Variants in HERC4 observed in about 807,000 individuals in gnomAD.
The protein encoded by HERC4 is HECT and RLD domain containing E3 ubiquitin protein ligase 4.
HERC4 carries 28 observed loss-of-function variants against 124.3 expected under a neutral mutation model. The observed-to-expected ratio is 0.23, with a 90% CI of 0.17 to 0.31. The LOEUF (loss-of-function observed/expected upper bound fraction) is 0.31. HERC4 is among the 10% of genes least tolerant of loss of function. The pLI, the probability that HERC4 is intolerant of heterozygous loss-of-function variation, is 1.00. For synonymous variants in HERC4, 407 were observed against 421.5 expected (o/e 0.97, Z 0.42); for missense variants, 713 against 1,229.3 (o/e 0.58, Z 6.28).
At position 68,059,629 on chromosome 10, in the gene HERC4, TCA is replaced by T. The variant is rs1491281091; in HGVS notation, c.226+13252_226+13253del. Among the ~76,000 whole-genome samples, 10 of 92,886 alleles carry T rather than the reference TCA, an allele frequency of 1.1e-4. 3 individuals are homozygous for T. The highest frequency in any genetic ancestry group is 4.5e-4 in the African/African-American group (9 of 20,044). 60.9% of individuals were successfully genotyped at this position (92,886 alleles called of 152,430 possible). ...ATATTATATATCATAATATTATATATCATAATATTATATATTATATTATATAT... is the reference window on the plus strand; with the variant it reads ...ATATTATATATCATAATATTATATATTAATATTATATATTATATTATATAT... On this transcript the variant is annotated intron_variant, in intron 3 of 24. Transcript: ENST00000373700.
chr10:68,034,388 G>A (rs772305196), intron 5 of HERC4, among the ~76,000 whole-genome samples: 15 of 152,052 alleles, frequency 9.9e-5, no homozygotes, highest in Non-Finnish European at 1.9e-4. Flanking sequence ...AGAACATTCA[G>A]TATTAGTACA....
At chr10:68,052,601 A>G (rs1010724274) in intron 3 of HERC4, among the ~76,000 whole-genome samples, 2 of 152,226 alleles carry the variant, frequency 1.3e-5, no homozygotes, top group Non-Finnish European at 2.9e-5. Context: ...AAAATATTAC[A>G]TAACAAAGTA....
At position 68,072,898 on chromosome 10, in the gene HERC4, A is replaced by G; in HGVS notation, c.211T>C (p.Ser71Pro). Residue 71 changes from serine (S) to proline (P), a missense_variant, in exon 3 of 25, where the codon TCC (serine) becomes CCC (proline). Coordinates refer to ENST00000373700, the MANE Select transcript of HERC4 (RefSeq NM_015601.4). ...TTCAACTTACCTGGTTTCTTTCTGG[A>G]TTTTTCATGACCTAGCTGTCCTAGA... is the stretch of plus-strand genomic sequence containing the variant. ...NDLGQLGHEK[S>P]RKKPEQVVAL... The G allele has an allele frequency of 6.4e-7, 1 of 1,561,904 alleles. No homozygotes were observed. The highest frequency in any genetic ancestry group is 1.2e-5 in the South Asian group (1 of 80,944).
At chr10:68,053,033 C>T (rs2040392207) in intron 3 of HERC4, among the ~76,000 whole-genome samples, 1 of 152,172 alleles carries the variant, frequency 6.6e-6, no homozygotes. Flanking sequence ...ACTGCATCAT[C>T]CTTCTAAGAA....
At chr10:68,009,403 CTG>C (rs1408171937) in intron 9 of HERC4, among the ~76,000 whole-genome samples, 2 of 152,032 alleles carry the variant, frequency 1.3e-5, no homozygotes, top group Non-Finnish European at 1.5e-5. Flanking sequence ...GCATGAGCCA[CTG>C]TGCCAGGCCA....
chr10:67,948,844 A>G (rs1191106554), intron 19 of HERC4, among the ~76,000 whole-genome samples: 6 of 151,342 alleles, frequency 4.0e-5, no homozygotes, highest in African/African-American at 1.5e-4. Flanking sequence ...TGGCTTGAAC[A>G]TGGGAGGCAG....
chr10:68,003,328 ATTTTT>A (rs34287961), intron 9 of HERC4, among the ~76,000 whole-genome samples: 1 of 130,840 alleles, frequency 7.6e-6, no homozygotes, highest in African/African-American at 2.9e-5. Flanking sequence ...TGCCTGACTA[ATTTTT>A]TTTTTTTTTT....
At chr10:67,943,761 G>A (rs1361657777) in intron 19 of HERC4, among the ~76,000 whole-genome samples, 1 of 152,138 alleles carries the variant, frequency 6.6e-6, no homozygotes, top group African/African-American at 2.4e-5. Context: ...CTAAAACACA[G>A]ACACCCAGGG....
Position 68,059,842 on chromosome 10 carries a change from A to ATATATCATAATATTATATAT in HERC4, c.226+13040_226+13041insATATATAATATTATGATATA. On this transcript the variant is annotated intron_variant, in intron 3 of 24. Transcript: ENST00000373700. Reference sequence around the variant, plus strand: ...ATATATCATAATATTATATATTATAATATATTATATATCATAATATTATAT... The same window carrying ATATATCATAATATTATATAT: ...ATATATCATAATATTATATATTATAATATATCATAATATTATATATTATATTATATATCATAATATTATAT... Among the ~76,000 whole-genome samples the ATATATCATAATATTATATAT allele has an allele frequency of 0.037, 906 of 24,672 alleles. 227 individuals are homozygous for ATATATCATAATATTATATAT. In the African/African-American group the frequency reaches 0.37, roughly 10 times the overall value. The allele number at this position is 24,672 out of a possible 152,430, so 16.2% of individuals were successfully genotyped here. A position where few individuals can be genotyped will look rare whatever the true frequency, so the allele number is the denominator to read the frequency against.
intron 15 of HERC4, among the ~76,000 whole-genome samples, chr10:67,976,899 ATG>A (rs1181639330): frequency 1.3e-5 from 2 of 152,200 alleles, no homozygotes; most frequent in East Asian, 3.8e-4. Context: ...AGTTGTCAAA[ATG>A]TGAGTTCCTG....
intron 3 of HERC4, among the ~76,000 whole-genome samples, chr10:68,060,887 T>C (rs4746726): frequency 0.48 from 72,650 of 151,800 alleles, 19,355 homozygotes; most frequent in East Asian, 0.85. Context: ...GGGAAGCAAT[T>C]TAAGATCTAC....
intron 3 of HERC4, among the ~76,000 whole-genome samples, chr10:68,052,829 T>C (rs930484838): frequency 3.3e-5 from 5 of 152,218 alleles, no homozygotes; most frequent in African/African-American, 1.2e-4. Flanking sequence ...TTTTCTTCTC[T>C]TTGCCATTAT....
chr10:67,934,212 A>G (rs906300089), intron 22 of HERC4, among the ~76,000 whole-genome samples: 7 of 152,206 alleles, frequency 4.6e-5, no homozygotes, highest in African/African-American at 1.7e-4. Flanking sequence ...TTATATAACA[A>G]TTTTTGGTTC....
At chr10:67,996,046 CTGTAATCCCAGCACT>C in intron 9 of HERC4, 1 of 396,902 alleles carries the variant, frequency 2.5e-6, no homozygotes, top group Non-Finnish European at 4.9e-6. Flanking sequence ...TAGCTCATAC[CTGTAATCCCAGCACT>C]TTGGGAAGCC....
intron 23 of HERC4, among the ~76,000 whole-genome samples, chr10:67,929,938 C>T (rs577628754): frequency 3.3e-5 from 5 of 152,068 alleles, no homozygotes; most frequent in East Asian, 1.9e-4. Context: ...CTCAGCCTCC[C>T]GAGCAGCTGG....
chr10:68,005,934 A>G (rs1421744560), intron 9 of HERC4, among the ~76,000 whole-genome samples: 1 of 152,146 alleles, frequency 6.6e-6, no homozygotes, highest in Non-Finnish European at 1.5e-5. Flanking sequence ...TCCTGGGCTC[A>G]AGCAATCCTC....
chr10:67,963,765 T>C (rs1177837373), intron 16 of HERC4, among the ~76,000 whole-genome samples: 5 of 152,220 alleles, frequency 3.3e-5, no homozygotes, highest in Admixed American at 2.0e-4. Flanking sequence ...AAAGTCTTGG[T>C]ATGAACAAGG....
chr10:68,023,548 G>A (rs1564560422), intron 8 of HERC4, among the ~76,000 whole-genome samples: 1 of 152,162 alleles, frequency 6.6e-6, no homozygotes, highest in Non-Finnish European at 1.5e-5. Flanking sequence ...CCACAAGAGA[G>A]TATGGAGAAT....
chr10:68,040,889 AAAAAAAAAAAAAAGAAAG>A (rs2039729808), intron 4 of HERC4, among the ~76,000 whole-genome samples: 1 of 141,158 alleles, frequency 7.1e-6, no homozygotes, highest in Non-Finnish European at 1.5e-5. Flanking sequence ...ATTCCGTCTC[AAAAAAAAAAAAAAGAAAG>A]AAAAAGAAAA....
Sources: gnomAD v4.1 joint callset for allele counts (sites outside exome capture counted in the v4.1 genomes callset) on GRCh38, gnomAD v4.1.1 for gene constraint, MANE v1.5 for transcripts, NCBI Gene and HGNC (gene_info 2026-07-23, HGNC 2026-07-21) for gene names.